ATCAY: variants seen among roughly 807,000 people sequenced by gnomAD.
ATCAY encodes caytaxin.
A neutral mutation model predicts 47.7 loss-of-function variants in ATCAY; 22 were observed. The ratio of observed to expected loss-of-function variants is 0.46; its 90% CI spans 0.33 to 0.66. ATCAY has a LOEUF of 0.66. ATCAY is among the 30% of genes least tolerant of loss of function. The pLI, the probability that ATCAY is intolerant of heterozygous loss-of-function variation, is 0.02. For missense variants in ATCAY, 452 were observed against 515.0 expected, an observed-to-expected ratio of 0.88 and a Z score of 1.18; for synonymous variants, 216 against 207.6, an observed-to-expected ratio of 1.04 and a Z score of -0.35.
intron 3 of ATCAY, among the ~76,000 whole-genome samples, chr19:3,902,961 T>C (rs1407483379): frequency 6.6e-6 from 1 of 151,994 alleles, no homozygotes; most frequent in Non-Finnish European, 1.5e-5. Flanking sequence ...TGTAATACCT[T>C]ATATTAGACC....
intron 2 of ATCAY, among the ~76,000 whole-genome samples, chr19:3,896,267 CT>C (rs71166934): frequency 0.14 from 20,005 of 141,058 alleles, 1,408 homozygotes; most frequent in South Asian, 0.23. Flanking sequence ...AATCACATCC[CT>C]TTTTTTTTTT....
At chr19:3,895,118 G>C in intron 2 of ATCAY, 1 of 455,790 alleles carries the variant, frequency 2.2e-6, no homozygotes, top group Non-Finnish European at 4.4e-6. Flanking sequence ...TTATATACAT[G>C]GTCTCAAGCC....
intron 3 of ATCAY, among the ~76,000 whole-genome samples, chr19:3,903,650 A>T (rs1248548260): frequency 6.6e-6 from 1 of 151,764 alleles, no homozygotes. Context: ...CAGCCTCCTG[A>T]GTAGCTGGGA....
At chr19:3,885,418 G>C (rs1042090846) in intron 1 of ATCAY, among the ~76,000 whole-genome samples, 1 of 151,984 alleles carries the variant, frequency 6.6e-6, no homozygotes, top group African/African-American at 2.4e-5. Context: ...ACCAGGCGTG[G>C]TGATGGGTGC....
chr19:3,901,718 C>T (rs944113948), intron 2 of ATCAY, among the ~76,000 whole-genome samples: 10 of 152,122 alleles, frequency 6.6e-5, no homozygotes, highest in Non-Finnish European at 1.0e-4. Flanking sequence ...ACATGCTGGG[C>T]GGGCGCGGTG....
chr19:3,907,785 T>C lies in ATCAY; in HGVS notation c.410T>C (p.Leu137Pro), dbSNP rs767253821. ...AKNMPGDSAD[L>P]FGDGTTEDGS... ...AACATGCCCGGGGACAGCGCGGATCTATTTGGGGACGGCACGACGGAGGAC... is the reference window on the plus strand; with the variant it reads ...AACATGCCCGGGGACAGCGCGGATCCATTTGGGGACGGCACGACGGAGGAC... Residue 137 changes from leucine (L) to proline (P), a missense_variant, in exon 5 of 13, where the codon CTA (leucine) becomes CCA (proline). Coordinates refer to ENST00000450849, the MANE Select transcript of ATCAY (RefSeq NM_033064.5). The surrounding 1 kb of genome is among the most constrained non-coding windows in gnomAD (Gnocchi z 5.1). The C allele has an allele frequency of 6.2e-7, 1 of 1,613,978 alleles. No individual in the cohort carries two copies. Among genetic ancestry groups the C allele is most frequent in the South Asian group, 1.1e-5 (1 of 91,080 alleles).
At chr19:3,918,481 G>C (rs1467802152) in intron 10 of ATCAY, among the ~76,000 whole-genome samples, 3 of 151,502 alleles carry the variant, frequency 2.0e-5, no homozygotes, top group African/African-American at 7.3e-5. Flanking sequence ...CTTGAGCCCA[G>C]GAAGTTGAGG....
chr19:3,885,161 G>T (rs923043153), intron 1 of ATCAY, among the ~76,000 whole-genome samples: 15 of 139,246 alleles, frequency 1.1e-4, no homozygotes, highest in Non-Finnish European at 2.3e-4. Flanking sequence ...GCTCACCCCT[G>T]TAATCCCAGC....
At chr19:3,891,111 G>GTGCAACCTCAGCTCAC (rs2038714462) in intron 2 of ATCAY, among the ~76,000 whole-genome samples, 1 of 151,492 alleles carries the variant, frequency 6.6e-6, no homozygotes, top group South Asian at 2.1e-4. Flanking sequence ...GAGTGCAGTG[G>GTGCAACCTCAGCTCAC]TGCAACCTCA....
intron 2 of ATCAY, among the ~76,000 whole-genome samples, chr19:3,895,537 CAG>C (rs1199630321): frequency 2.0e-5 from 3 of 151,436 alleles, no homozygotes; most frequent in African/African-American, 7.3e-5. Flanking sequence ...ATGAGGAAAA[CAG>C]AGGCTCAGGG....
At chr19:3,887,737 C>A (rs530557532) in intron 2 of ATCAY, among the ~76,000 whole-genome samples, 1 of 150,332 alleles carries the variant, frequency 6.7e-6, no homozygotes, top group Non-Finnish European at 1.5e-5. Flanking sequence ...CCGCCCACCT[C>A]GGCCTCCCAA....
rs2039052702 is a variant in ATCAY at position 3,924,823 on chromosome 19, G to A, written c.*231G>A. The A allele has an allele frequency of 9.3e-6, 5 of 539,496 alleles. No individual in the cohort carries two copies. The highest frequency in any genetic ancestry group is 1.3e-5 in the Non-Finnish European group (4 of 301,538). 33.4% of individuals were successfully genotyped at this position (539,496 alleles called of 1,614,324 possible). ...TTTGTGCGTTCCAGAAAAGGGCCCA[G>A]CTCTGAGCCCCTCACCCTTCCACAC... On this transcript the variant is annotated 3_prime_UTR_variant, in exon 13 of 13. Transcript: ENST00000450849.
At chr19:3,903,049 C>T (rs113314343) in intron 3 of ATCAY, among the ~76,000 whole-genome samples, 2 of 152,126 alleles carry the variant, frequency 1.3e-5, no homozygotes, top group African/African-American at 4.8e-5. Context: ...TCATGGCTCA[C>T]TGCAGCCTCA....
intron 11 of ATCAY, chr19:3,920,152 T>C (rs1018921853): frequency 6.6e-6 from 1 of 152,142 alleles, no homozygotes; most frequent in Non-Finnish European, 1.5e-5. Flanking sequence ...GAGACCAACT[T>C]GGGCAACATA....
At chr19:3,881,043 A>T (rs1485912352) in intron 1 of ATCAY, 35 bp downstream of exon 1, 3 of 152,144 alleles carry the variant, frequency 2.0e-5, no homozygotes, top group East Asian at 3.9e-4. Context: ...CCCAGGATAA[A>T]CCGTCTCCCT....
At chr19:3,903,231 C>G (rs2038830118) in intron 3 of ATCAY, among the ~76,000 whole-genome samples, 1 of 152,082 alleles carries the variant, frequency 6.6e-6, no homozygotes, top group Admixed American at 6.6e-5. Context: ...GCCTCAGCCT[C>G]CCAAAGTGCT....
intron 12 of ATCAY, chr19:3,922,127 A>T (rs56225015): frequency 0.1 from 72,598 of 702,582 alleles, 4,604 homozygotes; most frequent in Non-Finnish European, 0.13. Context: ...AACTACATAC[A>T]CCTGGCTGAC....
At chr19:3,881,674 G>C (rs530240161) in intron 1 of ATCAY, among the ~76,000 whole-genome samples, 32 of 147,946 alleles carry the variant, frequency 2.2e-4, no homozygotes, top group African/African-American at 7.2e-4. Context: ...TGGAGTCAAC[G>C]CCTGTGGCTG....
intron 2 of ATCAY, among the ~76,000 whole-genome samples, chr19:3,890,739 C>T (rs899546346): frequency 6.6e-6 from 1 of 152,208 alleles, no homozygotes; most frequent in African/African-American, 2.4e-5. Context: ...TTCTCGCCCA[C>T]CCGCTGCAGC....
Sources: gnomAD v4.1 joint callset for allele counts (sites outside exome capture counted in the v4.1 genomes callset) on GRCh38, gnomAD v4.1.1 for gene constraint, Gnocchi (gnomAD v3.1) non-coding constraint, MANE v1.5 for transcripts, NCBI Gene and HGNC (gene_info 2026-07-23, HGNC 2026-07-21) for gene names.